CSE1L: variants seen among roughly 807,000 people sequenced by gnomAD.
CSE1L encodes the protein chromosome segregation 1 like.
Under a neutral mutation model 120.4 loss-of-function variants are expected in CSE1L, and 24 were observed. That is an observed-to-expected ratio of 0.20 (90% CI 0.14 to 0.28). The LOEUF is 0.28. CSE1L is among the 10% of genes least tolerant of loss of function. The pLI is 1.00. For missense variants in CSE1L, 830 were observed against 1,145.2 expected, an observed-to-expected ratio of 0.72 and a Z score of 3.97; for synonymous variants, 402 against 398.3, an observed-to-expected ratio of 1.01 and a Z score of -0.11.
intron 6 of CSE1L, among the ~76,000 whole-genome samples, chr20:49,067,928 C>CTTTTTT (rs10567768): frequency 2.0e-3 from 160 of 78,492 alleles, no homozygotes; most frequent in Non-Finnish European, 2.7e-3. Flanking sequence ...TTCCCTCTCT[C>CTTTTTT]TTTTTTTTTT....
intron 22 of CSE1L, among the ~76,000 whole-genome samples, chr20:49,092,889 G>C (rs1160207355): frequency 1.3e-5 from 2 of 151,330 alleles, no homozygotes; most frequent in African/African-American, 4.9e-5. Context: ...TCCAATTTTA[G>C]TATATGTGCT....
intron 19 of CSE1L, 100 bp from the exon 20 acceptor site, chr20:49,090,642 T>C: frequency 1.2e-6 from 1 of 859,662 alleles, no homozygotes; most frequent in Non-Finnish European, 1.9e-6. Flanking sequence ...AAAGGATAGA[T>C]TATTACAGTA....
chr20:49,063,217 A>T lies in CSE1L; in HGVS notation c.101A>T (p.Glu34Val). Residue 34 changes from glutamate to valine, a missense_variant, in exon 3 of 25, where the codon GAA becomes GTA. Glu to Val is a moderately radical substitution (Grantham distance 121). Around this residue, in one of 4 missense-constraint regions of CSE1L, gnomAD observed 543 missense variants for 640.2 expected, o/e 0.85. Transcript: ENST00000262982. ...AIRRPAEKFL[E>V]SVEGNQNYPL... is the part of the protein sequence containing the mutation. ...TCTTTTACAGCTGAGAAATTTCTTG[A>T]ATCTGTTGAAGGAAATCAGAATTAT... 1 of 1,577,738 alleles carries T rather than the reference A, an allele frequency of 6.3e-7. No individual in the cohort carries two copies. The highest frequency in any genetic ancestry group is 8.6e-7 in the Non-Finnish European group (1 of 1,168,600).
Position 49,078,566 on chromosome 20 carries a change from G to C in CSE1L, c.1426G>C (p.Glu476Gln). Reference protein sequence around the residue: ...LPDLKSANVNEFPVLKADGIK... With the variant: ...LPDLKSANVNQFPVLKADGIK... ...CTTTCTGTTTTTTTATATAGTGAATGAATTTCCTGTCCTTAAAGCTGACGG... is the reference window on the plus strand; with the variant it reads ...CTTTCTGTTTTTTTATATAGTGAATCAATTTCCTGTCCTTAAAGCTGACGG... Residue 476 changes from glutamate (E) to glutamine (Q), a missense_variant, in exon 14 of 25, where the codon GAA becomes CAA. Coordinates refer to ENST00000262982, the MANE Select transcript of CSE1L (RefSeq NM_001316.4). The C allele has an allele frequency of 6.4e-7, 1 of 1,570,792 alleles. No homozygotes were observed. The highest frequency in any genetic ancestry group is 1.2e-5 in the South Asian group (1 of 84,200).
At chr20:49,093,581 C>A (rs79228345) in intron 22 of CSE1L, among the ~76,000 whole-genome samples, 13 of 87,460 alleles carry the variant, frequency 1.5e-4, no homozygotes, top group South Asian at 7.2e-4. Flanking sequence ...TTTTTTTTTT[C>A]TTTTTTTTTT....
chr20:49,060,326 A>G (rs2091842086), intron 2 of CSE1L, among the ~76,000 whole-genome samples: 1 of 151,838 alleles, frequency 6.6e-6, no homozygotes, highest in Admixed American at 6.6e-5. Flanking sequence ...TACTAAAAAT[A>G]CAAAAATTAG....
intron 22 of CSE1L, among the ~76,000 whole-genome samples, chr20:49,092,439 T>G (rs1242136029): frequency 1.3e-5 from 2 of 152,024 alleles, no homozygotes; most frequent in Non-Finnish European, 2.9e-5. Context: ...ATCATTGTTC[T>G]AATCCTCTAG....
At chr20:49,053,913 C>T (rs1475390751) in intron 1 of CSE1L, among the ~76,000 whole-genome samples, 1 of 152,064 alleles carries the variant, frequency 6.6e-6, no homozygotes, top group East Asian at 1.9e-4. Context: ...AGGTCTTGAA[C>T]TCCTGGGCTC....
chr20:49,055,570 A>G (rs1325687190), intron 1 of CSE1L, among the ~76,000 whole-genome samples: 1 of 152,176 alleles, frequency 6.6e-6, no homozygotes, highest in Non-Finnish European at 1.5e-5. Context: ...TACAAAAATT[A>G]GCCAGGCATG....
At chr20:49,061,749 C>T (rs553924520) in intron 2 of CSE1L, among the ~76,000 whole-genome samples, 15 of 151,838 alleles carry the variant, frequency 9.9e-5, no homozygotes, top group East Asian at 1.9e-4. Context: ...GTGATCCACT[C>T]GTCTCGGCCT....
intron 1 of CSE1L, among the ~76,000 whole-genome samples, chr20:49,052,968 TAATG>T (rs1344767537): frequency 2.6e-5 from 4 of 152,046 alleles, no homozygotes; most frequent in Non-Finnish European, 5.9e-5. Flanking sequence ...TAGAGAAACA[TAATG>T]AAGAAAGTGA....
intron 21 of CSE1L, among the ~76,000 whole-genome samples, chr20:49,091,348 C>A (rs144756219): frequency 6.6e-6 from 1 of 151,826 alleles, no homozygotes. Flanking sequence ...TCACCTAAGT[C>A]CCAGAGGTTG....
chr20:49,071,923 G>A (rs1311489347), intron 8 of CSE1L, among the ~76,000 whole-genome samples: 2 of 143,410 alleles, frequency 1.4e-5, no homozygotes, highest in Admixed American at 7.1e-5. Context: ...AGCTGAGATC[G>A]CGCCACTGCA....
At chr20:49,095,186 A>G in intron 24 of CSE1L, 1 of 658,480 alleles carries the variant, frequency 1.5e-6, no homozygotes. Flanking sequence ...GAGTGAGAAC[A>G]AAGGAGGAAA....
At chr20:49,050,312 G>A (rs911453082) in intron 1 of CSE1L, among the ~76,000 whole-genome samples, 1 of 150,798 alleles carries the variant, frequency 6.6e-6, no homozygotes, top group East Asian at 1.9e-4. Flanking sequence ...TAGACCTCCC[G>A]GGCTCAAGCA....
At chr20:49,092,276 G>T in intron 22 of CSE1L, 149 bp downstream of exon 22, 1 of 546,066 alleles carries the variant, frequency 1.8e-6, no homozygotes, top group Non-Finnish European at 3.2e-6. Flanking sequence ...GGTATTGGGA[G>T]TAAAGAAAAA....
chr20:49,047,485 T>G (rs1227414257), intron 1 of CSE1L, among the ~76,000 whole-genome samples: 1 of 151,116 alleles, frequency 6.6e-6, no homozygotes, highest in Non-Finnish European at 1.5e-5. Flanking sequence ...GCAGGCCGCC[T>G]CTCCCAAGTT....
chr20:49,074,575 C>T (rs527524589), intron 10 of CSE1L, among the ~76,000 whole-genome samples: 2 of 152,258 alleles, frequency 1.3e-5, no homozygotes, highest in African/African-American at 2.4e-5. Flanking sequence ...GTGAGCCTAT[C>T]TCATAGTTGT....
intron 8 of CSE1L, among the ~76,000 whole-genome samples, chr20:49,070,704 G>A (rs2091925598): frequency 1.3e-5 from 2 of 152,160 alleles, no homozygotes; most frequent in Non-Finnish European, 2.9e-5. Flanking sequence ...GCCAAGGTGG[G>A]GAGGATCCCT....
Sources: gnomAD v4.1 joint callset for allele counts (sites outside exome capture counted in the v4.1 genomes callset) on GRCh38, gnomAD v4.1.1 for gene constraint, gnomAD v4.1.1 regional missense constraint, MANE v1.5 for transcripts, NCBI Gene and HGNC (gene_info 2026-07-23, HGNC 2026-07-21) for gene names.